EHBP1: variants seen among roughly 807,000 people sequenced by gnomAD.
EHBP1 encodes EH domain binding protein 1.
EHBP1 carries 55 observed loss-of-function variants against 144.0 expected under a neutral mutation model. The observed-to-expected ratio is 0.38, with a 90% CI of 0.31 to 0.48. The LOEUF (loss-of-function observed/expected upper bound fraction) is 0.48. Ranked by LOEUF, EHBP1 falls within the 20% of genes least tolerant of loss-of-function variation. The probability of loss-of-function intolerance (pLI) is 0.98; values close to 1 mark genes in which losing one functional copy is unlikely to be tolerated. For synonymous variants in EHBP1, 469 were observed against 472.7 expected, an observed-to-expected ratio of 0.99 and a Z score of 0.10; for missense variants, 1,200 against 1,364.2, an observed-to-expected ratio of 0.88 and a Z score of 1.90.
chr2:63,039,369 C>G (rs1259566066), intron 21 of EHBP1, among the ~76,000 whole-genome samples: 1 of 152,042 alleles, frequency 6.6e-6, no homozygotes, highest in African/African-American at 2.4e-5. Flanking sequence ...TAATCCTATG[C>G]ATGGTTCATA....
intron 7 of EHBP1, among the ~76,000 whole-genome samples, chr2:62,848,032 A>G (rs1459319514): frequency 6.6e-6 from 1 of 150,716 alleles, no homozygotes; most frequent in African/African-American, 2.4e-5. Flanking sequence ...ACTCTCATCC[A>G]TTGTTGGTAG....
intron 10 of EHBP1, among the ~76,000 whole-genome samples, chr2:62,893,931 G>T (rs2052664799): frequency 6.6e-6 from 1 of 152,028 alleles, no homozygotes; most frequent in African/African-American, 2.4e-5. Context: ...TATAATCCCA[G>T]CTAGTAGGGA....
chr2:62,942,650 T>C, intron 10 of EHBP1, 68 bp from the exon 11 acceptor site: 1 of 1,397,250 alleles, frequency 7.2e-7, no homozygotes, highest in Non-Finnish European at 9.7e-7. Flanking sequence ...TCTGATTAGG[T>C]CAATTAATGT....
chr2:62,793,033 A>G (rs2043271591), intron 5 of EHBP1, among the ~76,000 whole-genome samples: 1 of 152,132 alleles, frequency 6.6e-6, no homozygotes, highest in African/African-American at 2.4e-5. Context: ...CTATAATTCC[A>G]TCATATCAAT....
chr2:63,029,994 G>A (rs534960331), intron 19 of EHBP1, among the ~76,000 whole-genome samples: 1 of 151,514 alleles, frequency 6.6e-6, no homozygotes. Flanking sequence ...GCCTCCCAAA[G>A]TGCTGGGATT....
Position 62,808,608 on chromosome 2 carries a change from C to T in EHBP1, c.313-17479C>T, listed in dbSNP as rs553965179. Among the ~76,000 whole-genome samples, 16 of 152,266 alleles carry T rather than the reference C, an allele frequency of 1.1e-4. No individual in the cohort carries two copies. The South Asian group carries it at 3.3e-3, about 32-fold the overall frequency. Reference sequence around the variant, plus strand: ...GATTATTCCACCATCTCTTCTATATCTGAGTCTGGTTCTGATGCTTGCTCT... The same window carrying T: ...GATTATTCCACCATCTCTTCTATATTTGAGTCTGGTTCTGATGCTTGCTCT... On this transcript the variant is annotated intron_variant, in intron 5 of 22. Coordinates refer to ENST00000431489, the MANE Select transcript of EHBP1 (RefSeq NM_001142616.3).
intron 5 of EHBP1, among the ~76,000 whole-genome samples, chr2:62,789,574 C>T (rs1045747715): frequency 6.6e-6 from 1 of 152,146 alleles, no homozygotes; most frequent in African/African-American, 2.4e-5. Context: ...GGATTTAATT[C>T]TTAACTATTC....
chr2:62,796,525 A>G (rs1031207329), intron 5 of EHBP1, among the ~76,000 whole-genome samples: 1 of 152,212 alleles, frequency 6.6e-6, no homozygotes, highest in Non-Finnish European at 1.5e-5. Flanking sequence ...AATGCAAGAA[A>G]TACACTCTAA....
At chr2:63,041,050 A>G (rs1189240498) in intron 21 of EHBP1, among the ~76,000 whole-genome samples, 1 of 152,230 alleles carries the variant, frequency 6.6e-6, no homozygotes, top group Non-Finnish European at 1.5e-5. Flanking sequence ...ATAAACTAAA[A>G]TCTTTTCAAA....
chr2:62,736,222 G>GC (rs2038108319), intron 2 of EHBP1, among the ~76,000 whole-genome samples: 3 of 118,202 alleles, frequency 2.5e-5, no homozygotes, highest in Non-Finnish European at 5.5e-5. Flanking sequence ...TGTTCTCTTT[G>GC]CCTTTTTTTT....
intron 19 of EHBP1, among the ~76,000 whole-genome samples, chr2:63,031,511 A>G (rs1353255795): frequency 1.3e-5 from 2 of 152,194 alleles, no homozygotes; most frequent in East Asian, 1.9e-4. Flanking sequence ...ACTTTAGTCA[A>G]ATGCTCATCT....
chr2:62,835,767 T>C (rs1055086094), intron 7 of EHBP1, among the ~76,000 whole-genome samples: 1 of 152,020 alleles, frequency 6.6e-6, no homozygotes, highest in African/African-American at 2.4e-5. Context: ...CACACCCAAA[T>C]ATTGCGCTTT....
At chr2:62,843,250 A>G (rs1019573988) in intron 7 of EHBP1, among the ~76,000 whole-genome samples, 5 of 152,350 alleles carry the variant, frequency 3.3e-5, no homozygotes, top group Admixed American at 3.3e-4. Context: ...CTTAACTGAA[A>G]GGCCATAGTG....
chr2:63,044,619 G>C (rs2061851671), intron 21 of EHBP1: 1 of 153,846 alleles, frequency 6.5e-6, no homozygotes, highest in Admixed American at 6.4e-5. Flanking sequence ...GTGAGAGTGG[G>C]GGTGGGGGAG....
intron 1 of EHBP1, among the ~76,000 whole-genome samples, chr2:62,681,019 T>C (rs2033493669): frequency 6.6e-6 from 1 of 151,916 alleles, no homozygotes; most frequent in African/African-American, 2.4e-5. Flanking sequence ...ACTTTATAAA[T>C]ATACAAAAAA....
chr2:63,011,711 AT>A (rs1345076072), intron 19 of EHBP1, among the ~76,000 whole-genome samples: 1 of 151,950 alleles, frequency 6.6e-6, no homozygotes, highest in Non-Finnish European at 1.5e-5. Context: ...TTCTTAAAAT[AT>A]TTGTTTTAAA....
At chr2:62,982,183 A>G (rs2059002566) in intron 15 of EHBP1, among the ~76,000 whole-genome samples, 1 of 152,204 alleles carries the variant, frequency 6.6e-6, no homozygotes, top group Non-Finnish European at 1.5e-5. Flanking sequence ...TCAATGATTC[A>G]TATACATTTA....
At chr2:62,991,957 G>A (rs1374759293) in intron 16 of EHBP1, among the ~76,000 whole-genome samples, 1 of 152,178 alleles carries the variant, frequency 6.6e-6, no homozygotes. Context: ...AGCCTGGATC[G>A]GGTCTGATTT....
chr2:62,992,389 A>G (rs1208524178), intron 16 of EHBP1, among the ~76,000 whole-genome samples: 2 of 152,166 alleles, frequency 1.3e-5, no homozygotes, highest in Admixed American at 1.3e-4. Flanking sequence ...TATTTTCATT[A>G]TTATGGTTTA....
Sources: gnomAD v4.1 joint callset for allele counts (sites outside exome capture counted in the v4.1 genomes callset) on GRCh38, gnomAD v4.1.1 for gene constraint, MANE v1.5 for transcripts, NCBI Gene and HGNC (gene_info 2026-07-23, HGNC 2026-07-21) for gene names.